The following RNF123 variants were observed in gnomAD, a reference collection of about 807,000 sequenced individuals.
The protein encoded by RNF123 is E3 ubiquitin-protein ligase RNF123.
Under a neutral mutation model 168.5 loss-of-function variants are expected in RNF123, and 86 were observed. The observed-to-expected ratio is 0.51, with a 90% CI of 0.43 to 0.61. The LOEUF (loss-of-function observed/expected upper bound fraction) is 0.61, where lower values mean the gene tolerates loss of function less well. RNF123 is among the 20% of genes least tolerant of loss of function. The probability of loss-of-function intolerance (pLI) is 0.00; values close to 1 mark genes in which losing one functional copy is unlikely to be tolerated. For missense variants in RNF123, 1,419 were observed against 1,729.7 expected (o/e 0.82, Z 3.19); for synonymous variants, 666 against 689.1 (o/e 0.97, Z 0.52).
chr3:49,710,323 A>G (rs973298009), intron 26 of RNF123, among the ~76,000 whole-genome samples: 1 of 152,186 alleles, frequency 6.6e-6, no homozygotes, highest in East Asian at 1.9e-4. Context: ...TCTGTGGCAC[A>G]GGCTGGAGTG....
intron 3 of RNF123, among the ~76,000 whole-genome samples, chr3:49,693,481 C>G (rs1319514259): frequency 6.6e-6 from 1 of 151,392 alleles, no homozygotes; most frequent in Non-Finnish European, 1.5e-5. Context: ...CTCAGCCTCC[C>G]GAGTAGCTGG....
chr3:49,706,289 C>T (rs1346780036), intron 25 of RNF123, among the ~76,000 whole-genome samples: 2 of 152,238 alleles, frequency 1.3e-5, no homozygotes, highest in Non-Finnish European at 2.9e-5. Context: ...TGCTGAAGCA[C>T]ACCCACTCTC....
At position 49,713,552 on chromosome 3, in the gene RNF123, CCAAA is replaced by C; in HGVS notation, c.2717_2720del (p.Lys906ThrfsTer16). Reference sequence around the variant, plus strand: ...CTGACCCGCCTGGCTGCCATTCTCGCCAAACACTTTGCCGACGCACGCATTGTGG... The same window carrying C: ...CTGACCCGCCTGGCTGCCATTCTCGCCACTTTGCCGACGCACGCATTGTGG... On this transcript the variant is annotated frameshift_variant, in exon 28 of 39. Transcript: ENST00000327697. LOFTEE classifies it high-confidence loss of function. The C allele has an allele frequency of 6.2e-7, 1 of 1,612,794 alleles. No individual in the cohort carries two copies. The highest frequency in any genetic ancestry group is 8.5e-7 in the Non-Finnish European group (1 of 1,179,482).
chr3:49,703,331 C>T, intron 20 of RNF123, 96 bp from the exon 21 acceptor site: 2 of 994,742 alleles, frequency 2.0e-6, no homozygotes, highest in Non-Finnish European at 3.1e-6. Context: ...AGCCAGAATT[C>T]CCAGGCTGTG....
intron 16 of RNF123, 40 bp downstream of exon 16, chr3:49,701,648 AGGCCCCTGGCCT>A (rs750032017): frequency 6.4e-7 from 1 of 1,564,272 alleles, no homozygotes; most frequent in East Asian, 2.2e-5. Flanking sequence ...GGTCATGGCA[AGGCCCCTGGCCT>A]GGGCATCTGG....
chr3:49,714,910 G>A (rs1482575079), intron 31 of RNF123, among the ~76,000 whole-genome samples: 1 of 152,260 alleles, frequency 6.6e-6, no homozygotes, highest in Non-Finnish European at 1.5e-5. Flanking sequence ...AAGTCACACA[G>A]CAAGTCCTTG....
chr3:49,697,771 G>A (rs1575521902), intron 5 of RNF123, 114 bp from the exon 6 acceptor site: 1 of 1,303,394 alleles, frequency 7.7e-7, no homozygotes, highest in East Asian at 2.3e-5. Context: ...TGCAGTGTTG[G>A]CCGCCACAGG....
At chr3:49,716,539 A>G in intron 35 of RNF123, 62 bp downstream of exon 35, 1 of 1,362,034 alleles carries the variant, frequency 7.3e-7, no homozygotes, top group Non-Finnish European at 1.0e-6. Flanking sequence ...GAGGGGCTGG[A>G]CAGGGCCTCC....
Position 49,713,921 on chromosome 3 carries a change from T to C in RNF123, c.2849T>C (p.Met950Thr), listed in dbSNP as rs767671359. ...ERIPEEQRIA[M>T]VRNLLAPYEQ... ...CCTTGCCCTCACAGGCGTATCGCCA[T>C]GGTGAGGAACCTCCTGGCGCCCTAT... The change falls in exon 30 of 39, where the codon ATG becomes ACG. Residue 950 changes from methionine (M) to threonine (T), a missense_variant. Transcript: ENST00000327697. 4 of 1,613,764 alleles carry C rather than the reference T, an allele frequency of 2.5e-6. No individual in the cohort carries two copies. The highest frequency in any genetic ancestry group is 2.7e-5 in the African/African-American group (2 of 74,938).
At chr3:49,701,941 G>C (rs1292942167) in intron 17 of RNF123, 31 bp downstream of exon 17, 1 of 1,555,560 alleles carries the variant, frequency 6.4e-7, no homozygotes, top group African/African-American at 1.4e-5. Flanking sequence ...GGGTAGGGTG[G>C]GAGGTGTGTG....
rs1430741664 is a variant in RNF123 at position 49,700,688 on chromosome 3, A to G, written c.1256A>G (p.Lys419Arg). Reference sequence around the variant, plus strand: ...ATCCTGAGGCATGAGAAGTCCCGCAAGTTTCTGCTTAGCAATGTCCTGTAT... The same window carrying G: ...ATCCTGAGGCATGAGAAGTCCCGCAGGTTTCTGCTTAGCAATGTCCTGTAT... ...IAILRHEKSR[K>R]FLLSNVLFDV... is the part of the protein sequence containing the mutation. The change falls in exon 15 of 39, where the codon AAG becomes AGG. Residue 419 changes from lysine (K) to arginine (R), a missense_variant. Lys to Arg is a conservative substitution (Grantham distance 26). Around this residue, in one of 5 missense-constraint regions of RNF123, gnomAD observed 349 missense variants for 344.9 expected, o/e 1.01. Coordinates refer to ENST00000327697, the MANE Select transcript of RNF123 (RefSeq NM_022064.5). 5 of 1,614,066 alleles carry G rather than the reference A, an allele frequency of 3.1e-6. No individual in the cohort carries two copies. The highest frequency in any genetic ancestry group is 2.2e-5 in the East Asian group (1 of 44,886).
rs1315342472 is a variant in RNF123 at position 49,721,479 on chromosome 3, G to A, written c.*174G>A. The A allele has an allele frequency of 1.0e-6, 1 of 953,830 alleles. No homozygotes were observed. 59.1% of individuals were successfully genotyped at this position (953,830 alleles called of 1,614,324 possible). The stretch of plus-strand genomic sequence containing the variant: ...CAGCCATGGCCCTAATTGTGCCTGA[G>A]CTTGACTTTCAGTCAGGGCCACAGT... On this transcript the variant is annotated 3_prime_UTR_variant, in exon 39 of 39. Coordinates refer to ENST00000327697, the MANE Select transcript of RNF123 (RefSeq NM_022064.5).
chr3:49,709,863 G>A (rs1032132557), intron 26 of RNF123, among the ~76,000 whole-genome samples: 31 of 149,758 alleles, frequency 2.1e-4, no homozygotes, highest in African/African-American at 5.9e-4. Flanking sequence ...ATGAGCCACC[G>A]CGCCCGGCCA....
At chr3:49,698,910 T>C (rs1433256474) in intron 9 of RNF123, 70 bp from the exon 10 acceptor site, 1 of 1,606,796 alleles carries the variant, frequency 6.2e-7, no homozygotes, top group Non-Finnish European at 8.5e-7. Flanking sequence ...GGGGCCAGAC[T>C]GAGTTTGATA....
chr3:49,703,928 C>T lies in RNF123; in HGVS notation c.1852+400C>T, dbSNP rs375006319. Among the ~76,000 whole-genome samples, 17 of 152,314 alleles carry T rather than the reference C, an allele frequency of 1.1e-4. No individual in the cohort carries two copies. The East Asian group carries it at 2.3e-3, about 21-fold the overall frequency. The stretch of plus-strand genomic sequence containing the variant: ...CTCTCTCTGGCTGCCGCAGTGTATA[C>T]GCCGGAGTGCAGGGGCTGAGAGACA... On this transcript the variant is annotated intron_variant, in intron 21 of 38. Coordinates refer to ENST00000327697, the MANE Select transcript of RNF123 (RefSeq NM_022064.5).
chr3:49,715,761 G>A (rs749395952), intron 32 of RNF123, 47 bp downstream of exon 32: 5 of 1,613,988 alleles, frequency 3.1e-6, no homozygotes, highest in Non-Finnish European at 2.5e-6. Flanking sequence ...CAAGGGATGA[G>A]GCCTGGTCCT....
Position 49,712,542 on chromosome 3 carries a change from C to G in RNF123, c.2560C>G (p.Arg854Gly). ...CCTGCGGACCATTGAGCACGGTGAT[C>G]GCACAGGGTCTCTCTTTGCCTTCAT... ...VCLRTIEHGD[R>G]TGSLFAFMPE... The change falls in exon 27 of 39, where the codon CGC becomes GGC. Residue 854 changes from arginine (R) to glycine (G), a missense_variant. By Grantham distance (125) the Arg-to-Gly change is moderately radical (BLOSUM62 -2). Transcript: ENST00000327697. 1 of 1,614,196 alleles carries G rather than the reference C, an allele frequency of 6.2e-7. No individual in the cohort carries two copies. Among genetic ancestry groups the G allele is most frequent in the Non-Finnish European group, 8.5e-7 (1 of 1,180,030 alleles).
rs77858057 is a variant in RNF123, at chr3:49,708,714, A to G, written c.2496+1816A>G. 5.4e-3 allele frequency among the ~76,000 whole-genome samples: 826 copies of G among 152,336 alleles called. 10 individuals are homozygous for G. The highest frequency in any genetic ancestry group is 0.019 in the African/African-American group (798 of 41,558). ...TGTCCTCAAGGTTCATTCGTGTTAT[A>G]GCATGTGTCAGAATTTCTTCATTTT... is the stretch of plus-strand genomic sequence containing the variant. On this transcript the variant is annotated intron_variant, in intron 26 of 38. Coordinates refer to ENST00000327697, the MANE Select transcript of RNF123 (RefSeq NM_022064.5).
At chr3:49,707,481 G>T (rs1291949371) in intron 26 of RNF123, among the ~76,000 whole-genome samples, 1 of 152,114 alleles carries the variant, frequency 6.6e-6, no homozygotes, top group Non-Finnish European at 1.5e-5. Flanking sequence ...AGATGGATGG[G>T]GCACTCCTGC....
Sources: gnomAD v4.1 joint callset for allele counts (sites outside exome capture counted in the v4.1 genomes callset) on GRCh38, gnomAD v4.1.1 for gene constraint, gnomAD v4.1.1 regional missense constraint, MANE v1.5 for transcripts, NCBI Gene and HGNC (gene_info 2026-07-23, HGNC 2026-07-21) for gene names.